ATP2C1: variants seen among roughly 807,000 people sequenced by gnomAD.
The protein encoded by ATP2C1 is calcium-transporting ATPase type 2C member 1.
Under a neutral mutation model 120.5 loss-of-function variants are expected in ATP2C1, and 31 were observed. The observed-to-expected ratio is 0.26, with a 90% CI of 0.19 to 0.35. ATP2C1 has a LOEUF of 0.35. ATP2C1 is among the 10% of genes least tolerant of loss of function. The pLI is 1.00. For synonymous variants in ATP2C1, 351 were observed against 358.7 expected (o/e 0.98, Z 0.24); for missense variants, 731 against 1,107.5 (o/e 0.66, Z 4.83).
At chr3:130,995,853 C>T (rs2062594436) in intron 22 of ATP2C1, among the ~76,000 whole-genome samples, 190 bp from the exon 23 acceptor site, 1 of 152,138 alleles carries the variant, frequency 6.6e-6, no homozygotes. Flanking sequence ...ACCATGGTGG[C>T]CAGGCTGGTC....
intron 2 of ATP2C1, chr3:130,918,497 T>G (rs2058787308): frequency 1.3e-6 from 1 of 778,692 alleles, no homozygotes; most frequent in Admixed American, 1.7e-5. Flanking sequence ...TTGGATTTGC[T>G]TGTAGGCATG....
intron 21 of ATP2C1, 66 bp from the exon 22 acceptor site, chr3:130,993,866 G>A (rs527726100): frequency 1.0e-5 from 16 of 1,542,418 alleles, no homozygotes; most frequent in Admixed American, 6.7e-5. Context: ...TTTGTTTATC[G>A]CTTTGTATGG....
intron 2 of ATP2C1, among the ~76,000 whole-genome samples, chr3:130,902,361 C>T (rs2057902333): frequency 9.0e-6 from 1 of 111,590 alleles, no homozygotes; most frequent in African/African-American, 3.5e-5. Flanking sequence ...CATAGAGTAG[C>T]TTTTATAATC....
intron 1 of ATP2C1, among the ~76,000 whole-genome samples, chr3:130,889,018 A>C (rs1329830928): frequency 6.6e-6 from 1 of 152,228 alleles, no homozygotes; most frequent in Non-Finnish European, 1.5e-5. Context: ...CAAATAAGGT[A>C]ATTATTTACC....
chr3:130,941,244 G>GTC (rs2059894526), intron 7 of ATP2C1, among the ~76,000 whole-genome samples: 6 of 149,198 alleles, frequency 4.0e-5, no homozygotes, highest in South Asian at 2.1e-4. Flanking sequence ...GTGTGTGTGT[G>GTC]TGTGTGTGTG....
intron 16 of ATP2C1, among the ~76,000 whole-genome samples, chr3:130,969,065 A>T (rs1432588229): frequency 1.3e-5 from 2 of 152,216 alleles, no homozygotes; most frequent in Non-Finnish European, 2.9e-5. Flanking sequence ...TCAGCGTACA[A>T]TCCAGAAAAC....
At chr3:130,869,546 A>G (rs1290421642) in intron 1 of ATP2C1, among the ~76,000 whole-genome samples, 1 of 151,886 alleles carries the variant, frequency 6.6e-6, no homozygotes, top group Non-Finnish European at 1.5e-5. Flanking sequence ...CAAGTTGTCA[A>G]TACAAAGGAA....
intron 1 of ATP2C1, among the ~76,000 whole-genome samples, chr3:130,858,610 G>A (rs759344593): frequency 3.3e-5 from 5 of 152,216 alleles, no homozygotes; most frequent in Non-Finnish European, 7.3e-5. Flanking sequence ...GACTAGCAAA[G>A]TGCCTGACAG....
exon 27 of ATP2C1, chr3:131,016,262 C>T (rs763096917): frequency 1.9e-6 from 3 of 1,614,072 alleles, no homozygotes; most frequent in East Asian, 4.5e-5. Context: ...AGTCTTGTGC[C>T]CAGCCGTGTC....
At chr3:130,976,437 C>G (rs904200072) in intron 18 of ATP2C1, among the ~76,000 whole-genome samples, 9 of 152,150 alleles carry the variant, frequency 5.9e-5, no homozygotes, top group Admixed American at 4.6e-4. Context: ...GCCCCCAGAG[C>G]CTGGTGCATC....
chr3:130,960,638 T>C (rs561951043), intron 12 of ATP2C1, among the ~76,000 whole-genome samples: 2 of 152,264 alleles, frequency 1.3e-5, no homozygotes, highest in African/African-American at 4.8e-5. Context: ...GTTAATCAAA[T>C]CCAGAAGGGG....
At chr3:130,924,174 A>G (rs907331664) in intron 2 of ATP2C1, among the ~76,000 whole-genome samples, 1 of 149,276 alleles carries the variant, frequency 6.7e-6, no homozygotes, top group Non-Finnish European at 1.5e-5. Flanking sequence ...CATCATTGTT[A>G]TATAGGCCCT....
At chr3:130,877,509 A>T (rs942274757) in intron 1 of ATP2C1, among the ~76,000 whole-genome samples, 1 of 152,246 alleles carries the variant, frequency 6.6e-6, no homozygotes, top group African/African-American at 2.4e-5. Context: ...AAAAGAAGAC[A>T]TTTATGCAGC....
chr3:130,923,143 A>G (rs2760278), intron 2 of ATP2C1, among the ~76,000 whole-genome samples: 7,828 of 152,108 alleles, frequency 0.051, 287 homozygotes, highest in Middle Eastern at 0.11. Flanking sequence ...GGGAGCTTCA[A>G]TGTTAGGTGC....
chr3:130,889,381 A>C (rs1032110385), upstream of ATP2C1, among the ~76,000 whole-genome samples: 1 of 152,182 alleles, frequency 6.6e-6, no homozygotes, highest in Non-Finnish European at 1.5e-5. Context: ...GTCAGGCATT[A>C]ATATTCATGC....
chr3:130,905,861 T>C lies in ATP2C1; in HGVS notation c.6+11086T>C, dbSNP rs78887208. Reference sequence around the variant, plus strand: ...TCTTGGGCTTGCTTGCCTGGTTCCTTAGTTTCAGCTCTCATTTCTACATCG... The same window carrying C: ...TCTTGGGCTTGCTTGCCTGGTTCCTCAGTTTCAGCTCTCATTTCTACATCG... On this transcript the variant is annotated intron_variant, in intron 2 of 27. Coordinates refer to ENST00000510168, the MANE Select transcript of ATP2C1 (RefSeq NM_001378687.1). Among the ~76,000 whole-genome samples, 55 of 152,214 alleles carry C rather than the reference T, an allele frequency of 3.6e-4. No individual in the cohort carries two copies. In the East Asian group the frequency reaches 0.01, roughly 29 times the overall value.
At chr3:130,952,116 T>TG (rs1001898072) in intron 8 of ATP2C1, among the ~76,000 whole-genome samples, 36 of 152,288 alleles carry the variant, frequency 2.4e-4, no homozygotes, top group Non-Finnish European at 4.3e-4. Flanking sequence ...TACCTGGTTT[T>TG]GGGGAATGTT....
intron 1 of ATP2C1, among the ~76,000 whole-genome samples, chr3:130,871,834 A>T (rs1169091224): frequency 6.6e-6 from 1 of 152,150 alleles, no homozygotes; most frequent in Non-Finnish European, 1.5e-5. Flanking sequence ...CAGCCTGGCC[A>T]ATGTGGTGAA....
intron 2 of ATP2C1, among the ~76,000 whole-genome samples, chr3:130,923,359 T>C (rs2059053762): frequency 2.0e-5 from 3 of 151,998 alleles, no homozygotes; most frequent in African/African-American, 4.8e-5. Context: ...CCCGAGTAGC[T>C]GGGATTACAG....
Sources: allele counts gnomAD v4.1 joint callset (sites outside exome capture counted in the v4.1 genomes callset), GRCh38; gene constraint gnomAD v4.1.1; transcripts MANE v1.5; gene names NCBI Gene and HGNC (gene_info 2026-07-23, HGNC 2026-07-21).